Variants in NPHP3 observed in about 807,000 individuals in gnomAD.
The protein encoded by NPHP3 is nephrocystin 3, also known as nephrocystin-3.
NPHP3 carries 123 observed loss-of-function variants against 171.9 expected under a neutral mutation model. That is an observed-to-expected ratio of 0.72 (90% CI 0.62 to 0.83). NPHP3 has a LOEUF of 0.83. NPHP3 is among the 40% of genes least tolerant of loss of function. The pLI is 0.00. For synonymous variants in NPHP3, 558 were observed against 579.2 expected (o/e 0.96, Z 0.52); for missense variants, 1,506 against 1,591.9 (o/e 0.95, Z 0.92).
rs771215577 is a variant in NPHP3 at position 132,687,195 on chromosome 3, A to AT, written c.3156dup (p.Ser1053IlefsTer3). On this transcript the variant is annotated frameshift_variant, in exon 22 of 27. Coordinates refer to ENST00000337331, the MANE Select transcript of NPHP3 (RefSeq NM_153240.5). LOFTEE classifies it high-confidence loss of function. ...ATAGCTTTCTGATGAATTTTAAAGG[A>AT]TTTTTTCCTAAAATGTTCAGCTTGT... is the stretch of plus-strand genomic sequence containing the variant. 1.9e-5 allele frequency: 28 copies of AT among 1,458,686 alleles called. No individual in the cohort carries two copies. Among genetic ancestry groups the AT allele is most frequent in the Non-Finnish European group, 2.5e-5 (26 of 1,042,572 alleles). 90.4% of individuals were successfully genotyped at this position (1,458,686 alleles called of 1,614,324 possible). A position where few individuals can be genotyped will look rare whatever the true frequency, so the allele number is the denominator to read the frequency against.
At chr3:132,695,865 C>G (rs985931392) in intron 15 of NPHP3, among the ~76,000 whole-genome samples, 5 of 152,118 alleles carry the variant, frequency 3.3e-5, no homozygotes, top group Middle Eastern at 3.2e-3. Context: ...GTCTGGGAGG[C>G]AGAAGTTACA....
chr3:132,699,685 C>A (rs1462973403), intron 12 of NPHP3, among the ~76,000 whole-genome samples: 1 of 151,998 alleles, frequency 6.6e-6, no homozygotes, highest in Non-Finnish European at 1.5e-5. Context: ...TATGTCAGAA[C>A]GAATAGTCTT....
In NPHP3 at chr3:132,717,895, C is replaced by T. The variant is rs148317220; in HGVS notation, c.671-986G>A. On this transcript the variant is annotated intron_variant, in intron 3 of 26. Transcript: ENST00000337331. ...GCCTCAGCCTCCCGAGTAGCTGGGA[C>T]TACAGGCACGCACCACCATGCCCAG... 4,411 of 268,816 alleles carry T rather than the reference C, an allele frequency of 0.016. 556 individuals carry two copies. The East Asian group carries it at 0.39, about 24-fold the overall frequency. The allele number at this position is 268,816 out of a possible 1,614,324, so 16.7% of individuals were successfully genotyped here.
intron 12 of NPHP3, 77 bp downstream of exon 12, chr3:132,699,841 T>C: frequency 6.8e-7 from 1 of 1,467,484 alleles, no homozygotes; most frequent in Non-Finnish European, 9.5e-7. Flanking sequence ...CACAAACATA[T>C]AAATGCCTGC....
chr3:132,707,968 CTCACT>C, intron 7 of NPHP3, 128 bp downstream of exon 7: 3 of 828,550 alleles, frequency 3.6e-6, no homozygotes, highest in Non-Finnish European at 6.0e-6. Flanking sequence ...TCCTACTCCC[CTCACT>C]TATCTGTTCC....
At chr3:132,701,662 G>A in intron 9 of NPHP3, 129 bp from the exon 10 acceptor site, 1 of 685,634 alleles carries the variant, frequency 1.5e-6, no homozygotes, top group Non-Finnish European at 2.6e-6. Flanking sequence ...TATTTTTAGT[G>A]ACAGCACCCT....
At position 132,719,693 on chromosome 3, in the gene NPHP3, T is replaced by A. The variant is rs770494193; in HGVS notation, c.519+12A>T. Reference sequence around the variant, plus strand: ...CTATGTTGCTTTGGGGGTAAAAATGTAAGGAATTTACCTTGAATTGCCTTT... The same window carrying A: ...CTATGTTGCTTTGGGGGTAAAAATGAAAGGAATTTACCTTGAATTGCCTTT... On this transcript the variant is annotated intron_variant, in intron 2 of 26. Coordinates refer to ENST00000337331, the MANE Select transcript of NPHP3 (RefSeq NM_153240.5). 6.5e-7 allele frequency: 1 copy of A among 1,537,060 alleles called. No homozygotes were observed.
intron 3 of NPHP3, chr3:132,718,042 C>A (rs1471727695): frequency 2.4e-6 from 1 of 420,012 alleles, no homozygotes; most frequent in African/African-American, 3.0e-5. Flanking sequence ...GCATAAGCCA[C>A]CGTGCCCGGC....
intron 25 of NPHP3, among the ~76,000 whole-genome samples, chr3:132,683,053 C>G (rs902703792): frequency 2.6e-5 from 4 of 152,186 alleles, no homozygotes; most frequent in African/African-American, 9.6e-5. Context: ...ACTGTAAGCA[C>G]AAACCTGTTC....
rs780003029 is a variant in NPHP3, at chr3:132,716,749, T to C, written c.823+8A>G. 9.9e-6 allele frequency: 16 copies of C among 1,613,674 alleles called. No homozygotes were observed. Among genetic ancestry groups the C allele is most frequent in the African/African-American group, 1.3e-5 (1 of 74,932 alleles). ...CTAGGCAAGTAATTGACAAACAGCA[T>C]GTATTACCTCTATTAACATTTGCAA... On this transcript the variant is annotated splice_region_variant and intron_variant, in intron 4 of 26. Coordinates refer to ENST00000337331, the MANE Select transcript of NPHP3 (RefSeq NM_153240.5).
Position 132,682,025 on chromosome 3 carries a change from GCTT to G in NPHP3, c.3875_3877del (p.Glu1292del), listed in dbSNP as rs1200012206. 1.2e-6 allele frequency: 2 copies of G among 1,613,890 alleles called. No homozygotes were observed. Among genetic ancestry groups the G allele is most frequent in the Non-Finnish European group, 1.7e-6 (2 of 1,179,834 alleles). ...TTTTCCACCCAAGAGTGATGTTTCT[GCTT>G]CTTTTATTTCCATTGCCCTTTTGTA... On this transcript the variant is annotated inframe_deletion, in exon 27 of 27. Transcript: ENST00000337331.
chr3:132,719,914 A>G (rs971412685), intron 1 of NPHP3, 84 bp from the exon 2 acceptor site: 5 of 514,994 alleles, frequency 9.7e-6, no homozygotes, highest in Non-Finnish European at 1.4e-5. Flanking sequence ...ATATATATAT[A>G]TATATGTTAC....
Position 132,684,797 on chromosome 3 carries a change from G to T in NPHP3, c.3330-3C>A. 1.9e-6 allele frequency: 3 copies of T among 1,612,592 alleles called. No individual in the cohort carries two copies. Among genetic ancestry groups the T allele is most frequent in the Non-Finnish European group, 2.5e-6 (3 of 1,179,920 alleles). Reference sequence around the variant, plus strand: ...GCTTCAGAAACTGGTCAGCTGTTCTGTGAACACAATCCCAAAATGGCTTAA... The same window carrying T: ...GCTTCAGAAACTGGTCAGCTGTTCTTTGAACACAATCCCAAAATGGCTTAA... On this transcript the variant is annotated splice_polypyrimidine_tract_variant and splice_region_variant and intron_variant, in intron 23 of 26. Coordinates refer to ENST00000337331, the MANE Select transcript of NPHP3 (RefSeq NM_153240.5).
intron 23 of NPHP3, chr3:132,685,635 C>T (rs551732030): frequency 6.6e-6 from 1 of 152,370 alleles, no homozygotes; most frequent in South Asian, 2.1e-4. Flanking sequence ...AAACCGTCTA[C>T]ATTATTTACC....
chr3:132,693,045 T>C (rs1939340199), intron 16 of NPHP3: 1 of 502,702 alleles, frequency 2.0e-6, no homozygotes, highest in Admixed American at 3.6e-5. Flanking sequence ...GATAACACTC[T>C]TACAGAAAAA....
At chr3:132,705,679 A>C in intron 8 of NPHP3, 61 bp downstream of exon 8, 1 of 932,436 alleles carries the variant, frequency 1.1e-6, no homozygotes. Context: ...GGAAAAATCA[A>C]TTTCATAGAA....
chr3:132,713,674 CGAT>C (rs1450487460), intron 5 of NPHP3, among the ~76,000 whole-genome samples: 1 of 151,986 alleles, frequency 6.6e-6, no homozygotes, highest in Middle Eastern at 3.2e-3. Flanking sequence ...AAAACATCCA[CGAT>C]GATATATCAG....
intron 15 of NPHP3, chr3:132,695,296 G>A (rs1939426346): frequency 4.3e-6 from 1 of 235,270 alleles, no homozygotes; most frequent in South Asian, 5.9e-5. Flanking sequence ...GGGAAACGAT[G>A]ATAAGTATTG....
At chr3:132,691,484 A>G (rs1939298132) in intron 17 of NPHP3, among the ~76,000 whole-genome samples, 198 bp from the exon 18 acceptor site, 1 of 152,222 alleles carries the variant, frequency 6.6e-6, no homozygotes, top group Admixed American at 6.5e-5. Context: ...ACTAATATTT[A>G]TAAGCTCAAA....
Sources: allele counts gnomAD v4.1 joint callset (sites outside exome capture counted in the v4.1 genomes callset), GRCh38; gene constraint gnomAD v4.1.1; transcripts MANE v1.5; gene names NCBI Gene and HGNC (gene_info 2026-07-23, HGNC 2026-07-21).